KCNH8: variants seen among roughly 807,000 people sequenced by gnomAD.
KCNH8 encodes potassium voltage-gated channel subfamily H member 8, also known as voltage-gated delayed rectifier potassium channel KCNH8.
KCNH8 carries 70 observed loss-of-function variants against 103.6 expected under a neutral mutation model. The observed-to-expected ratio is 0.68, with a 90% CI of 0.56 to 0.82. The LOEUF (loss-of-function observed/expected upper bound fraction) is 0.82, where lower values mean the gene tolerates loss of function less well. Ranked by LOEUF, KCNH8 falls within the 40% of genes least tolerant of loss-of-function variation. The pLI is 0.00. For synonymous variants in KCNH8, 498 were observed against 489.4 expected, an observed-to-expected ratio of 1.02 and a Z score of -0.23; for missense variants, 1,217 against 1,329.9, an observed-to-expected ratio of 0.92 and a Z score of 1.32.
At chr3:19,523,547 C>T (rs2069009265) in intron 15 of KCNH8, among the ~76,000 whole-genome samples, 1 of 151,898 alleles carries the variant, frequency 6.6e-6, no homozygotes, top group South Asian at 2.1e-4. Context: ...CACAGGTCAG[C>T]AGAAGGGGCT....
intron 1 of KCNH8, among the ~76,000 whole-genome samples, chr3:19,170,315 C>T (rs746926065): frequency 5.3e-5 from 8 of 152,108 alleles, no homozygotes; most frequent in Non-Finnish European, 8.8e-5. Flanking sequence ...CACACTTGCA[C>T]ATGTATCCAC....
intron 6 of KCNH8, among the ~76,000 whole-genome samples, chr3:19,390,847 C>T (rs2066426755): frequency 6.6e-6 from 1 of 152,018 alleles, no homozygotes; most frequent in Non-Finnish European, 1.5e-5. Flanking sequence ...ATGCTTTTTT[C>T]AATACCTGGA....
intron 11 of KCNH8, among the ~76,000 whole-genome samples, chr3:19,461,412 G>C (rs563273934): frequency 6.6e-6 from 1 of 152,248 alleles, no homozygotes; most frequent in East Asian, 1.9e-4. Flanking sequence ...GTATTCTGAT[G>C]ATTACATTAT....
intron 5 of KCNH8, among the ~76,000 whole-genome samples, chr3:19,351,798 A>G (rs1026041624): frequency 7.2e-5 from 11 of 152,222 alleles, no homozygotes; most frequent in African/African-American, 1.9e-4. Flanking sequence ...GATTGTAAAG[A>G]CCATCGAGGC....
In KCNH8 at chr3:19,533,442, A is replaced by G. The variant is rs2069202462; in HGVS notation, c.2667A>G (p.Arg889=). 3.1e-6 allele frequency: 5 copies of G among 1,614,048 alleles called. No homozygotes were observed. The highest frequency in any genetic ancestry group is 4.2e-6 in the Non-Finnish European group (5 of 1,180,036). The stretch of plus-strand genomic sequence containing the variant: ...TTTCTCAGTTGGGTAAAGACATGAG[A>G]AATGTGATCCAGCTTCTGGAAAACG... ...QEVSQLGKDM[R]NVIQLLENVL... is the part of the protein sequence containing the mutation. Residue 889 remains arginine, a synonymous_variant, in exon 16 of 16, where the codon AGA becomes AGG. Coordinates refer to ENST00000328405, the MANE Select transcript of KCNH8 (RefSeq NM_144633.3).
intron 11 of KCNH8, among the ~76,000 whole-genome samples, chr3:19,503,499 T>A (rs1010298957): frequency 1.3e-5 from 2 of 152,162 alleles, no homozygotes; most frequent in African/African-American, 4.8e-5. Context: ...TGCAGCATTA[T>A]CCACAATAGC....
At chr3:19,413,221 G>C (rs2066810332) in intron 7 of KCNH8, among the ~76,000 whole-genome samples, 1 of 150,882 alleles carries the variant, frequency 6.6e-6, no homozygotes. Flanking sequence ...ATGAAATCAT[G>C]CCCCTTGTAG....
At chr3:19,280,598 T>C (rs1392552560) in intron 2 of KCNH8, among the ~76,000 whole-genome samples, 1 of 152,122 alleles carries the variant, frequency 6.6e-6, no homozygotes, top group African/African-American at 2.4e-5. Flanking sequence ...TGTAAGTCAC[T>C]CATTCACGCT....
At position 19,164,280 on chromosome 3, in the gene KCNH8, C is replaced by T. The variant is rs1575406449; in HGVS notation, c.76+15485C>T. Among the ~76,000 whole-genome samples, 3 of 152,144 alleles carry T rather than the reference C, an allele frequency of 2.0e-5. No homozygotes were observed. The East Asian group carries it at 5.8e-4, about 29-fold the overall frequency. On this transcript the variant is annotated intron_variant, in intron 1 of 15. Coordinates refer to ENST00000328405, the MANE Select transcript of KCNH8 (RefSeq NM_144633.3). ...GTCTCAAAGCTAGAACAGGAGAAGGCTTGGCTGTTATTCTCCTCTTAATTG... is the reference window on the plus strand; with the variant it reads ...GTCTCAAAGCTAGAACAGGAGAAGGTTTGGCTGTTATTCTCCTCTTAATTG...
intron 1 of KCNH8, among the ~76,000 whole-genome samples, chr3:19,202,807 A>C (rs2063676961): frequency 6.6e-6 from 1 of 152,162 alleles, no homozygotes; most frequent in Non-Finnish European, 1.5e-5. Flanking sequence ...GTTTATTGAA[A>C]TGTTAGGTAC....
chr3:19,300,887 CT>C (rs1248645835), intron 3 of KCNH8, among the ~76,000 whole-genome samples: 1 of 151,416 alleles, frequency 6.6e-6, no homozygotes, highest in East Asian at 1.9e-4. Flanking sequence ...TATTTTCTAC[CT>C]TTTGCCTAAA....
At chr3:19,175,413 G>T (rs2063389211) in intron 1 of KCNH8, among the ~76,000 whole-genome samples, 1 of 152,026 alleles carries the variant, frequency 6.6e-6, no homozygotes, top group Admixed American at 6.6e-5. Context: ...AGTAGAGACA[G>T]GGTTTCACCG....
intron 1 of KCNH8, among the ~76,000 whole-genome samples, chr3:19,167,028 G>A (rs2063292516): frequency 6.6e-6 from 1 of 152,280 alleles, no homozygotes; most frequent in South Asian, 2.1e-4. Context: ...ATTGTGGTAT[G>A]TTTGCATAAT....
At chr3:19,208,733 A>G (rs1196065006) in intron 1 of KCNH8, among the ~76,000 whole-genome samples, 9 of 151,982 alleles carry the variant, frequency 5.9e-5, no homozygotes, top group Non-Finnish European at 7.4e-5. Context: ...GATCCATGGG[A>G]ATTAAGAAAG....
intron 3 of KCNH8, among the ~76,000 whole-genome samples, chr3:19,299,803 C>G (rs1053022386): frequency 1.3e-5 from 2 of 151,754 alleles, no homozygotes; most frequent in Non-Finnish European, 2.9e-5. Context: ...ACATCAATAA[C>G]TTTATAAAGC....
intron 7 of KCNH8, among the ~76,000 whole-genome samples, chr3:19,432,730 G>T (rs1017974085): frequency 2.0e-5 from 3 of 152,170 alleles, no homozygotes; most frequent in African/African-American, 7.2e-5. Flanking sequence ...TTGGGGAACA[G>T]ATCTGAAAGC....
At chr3:19,238,341 G>A (rs148511967) in intron 1 of KCNH8, among the ~76,000 whole-genome samples, 2 of 152,280 alleles carry the variant, frequency 1.3e-5, no homozygotes, top group Non-Finnish European at 2.9e-5. Flanking sequence ...TCTCTTCTAT[G>A]TGACAATGCT....
Position 19,450,140 on chromosome 3 carries a change from A to G in KCNH8, c.1410A>G (p.Thr470=), listed in dbSNP as rs1344150812. The change falls in exon 9 of 16, where the codon ACA becomes ACG. Residue 470 remains threonine, a synonymous_variant. Transcript: ENST00000328405. ...ACGCCTTGGTGTTTGGAAACGTGAC[A>G]GCAATCATACAGAGGATGTACTCCA... ...LMHALVFGNV[T]AIIQRMYSRW... 2.5e-6 allele frequency: 4 copies of G among 1,613,584 alleles called. No homozygotes were observed. Among genetic ancestry groups the G allele is most frequent in the African/African-American group, 1.3e-5 (1 of 74,890 alleles).
chr3:19,225,579 CTAATA>C (rs1190967565), intron 1 of KCNH8, among the ~76,000 whole-genome samples: 2 of 152,038 alleles, frequency 1.3e-5, no homozygotes, highest in Non-Finnish European at 2.9e-5. Flanking sequence ...GGTATGTATG[CTAATA>C]TATTTGCCCT....
Sources: gnomAD v4.1 joint callset for allele counts (sites outside exome capture counted in the v4.1 genomes callset) on GRCh38, gnomAD v4.1.1 for gene constraint, MANE v1.5 for transcripts, NCBI Gene and HGNC (gene_info 2026-07-23, HGNC 2026-07-21) for gene names.